Variants in TRIO observed in about 807,000 individuals in gnomAD.
TRIO encodes the protein triple functional domain protein.
Under a neutral mutation model 351.9 loss-of-function variants are expected in TRIO, and 58 were observed. The ratio of observed to expected loss-of-function variants is 0.16; its 90% CI spans 0.13 to 0.21. TRIO has a LOEUF of 0.21. TRIO is among the 10% of genes least tolerant of loss of function. The probability of loss-of-function intolerance (pLI) is 1.00; values close to 1 mark genes in which losing one functional copy is unlikely to be tolerated. For missense variants in TRIO, 3,201 were observed against 4,027.8 expected, an observed-to-expected ratio of 0.79 and a Z score of 5.56; for synonymous variants, 1,758 against 1,595.7, an observed-to-expected ratio of 1.10 and a Z score of -2.42.
At chr5:14,411,420 G>T (rs184091566) in intron 33 of TRIO, among the ~76,000 whole-genome samples, 2 of 152,202 alleles carry the variant, frequency 1.3e-5, no homozygotes. Flanking sequence ...GGTATCCTGT[G>T]GAAAAGCCGG....
chr5:14,261,874 T>A (rs1795367315), intron 1 of TRIO, among the ~76,000 whole-genome samples: 1 of 152,360 alleles, frequency 6.6e-6, no homozygotes, highest in African/African-American at 2.4e-5. Flanking sequence ...ATTGATTATA[T>A]GTAAATGTGA....
chr5:14,498,290 G>A (rs868271303), intron 52 of TRIO, 39 bp downstream of exon 52: 1 of 1,602,620 alleles, frequency 6.2e-7, no homozygotes. Flanking sequence ...CGCTGGCTGG[G>A]AGCACCATCT....
At chr5:14,158,222 C>T (rs1414250534) in intron 1 of TRIO, among the ~76,000 whole-genome samples, 2 of 152,008 alleles carry the variant, frequency 1.3e-5, no homozygotes, top group African/African-American at 2.4e-5. Flanking sequence ...GTCAAGAGAT[C>T]GAGACCATCC....
At chr5:14,160,965 C>G (rs1788413242) in intron 1 of TRIO, among the ~76,000 whole-genome samples, 1 of 152,164 alleles carries the variant, frequency 6.6e-6, no homozygotes, top group Non-Finnish European at 1.5e-5. Context: ...GGCTGGAGTG[C>G]AGCGGTGTGA....
chr5:14,422,140 GCC>G (rs1476663079), intron 34 of TRIO, among the ~76,000 whole-genome samples: 2 of 152,186 alleles, frequency 1.3e-5, no homozygotes, highest in African/African-American at 4.8e-5. Context: ...GTTAAACATG[GCC>G]CCTCTTTGCA....
intron 33 of TRIO, among the ~76,000 whole-genome samples, chr5:14,415,999 A>G (rs560975567): frequency 2.0e-5 from 3 of 152,110 alleles, no homozygotes; most frequent in African/African-American, 7.2e-5. Flanking sequence ...AATTCAATGC[A>G]TGAGGTGGGA....
At chr5:14,469,958 G>T (rs145371316) in intron 37 of TRIO, among the ~76,000 whole-genome samples, 3 of 152,194 alleles carry the variant, frequency 2.0e-5, no homozygotes, top group African/African-American at 4.8e-5. Flanking sequence ...CTGTCCAGGT[G>T]GGGGATGGGG....
At chr5:14,310,338 G>T (rs947870564) in intron 8 of TRIO, among the ~76,000 whole-genome samples, 2 of 152,240 alleles carry the variant, frequency 1.3e-5, no homozygotes, top group Non-Finnish European at 2.9e-5. Flanking sequence ...CCACCAAAGG[G>T]CCACTGCTGC....
At chr5:14,220,893 T>G (rs960941608) in intron 1 of TRIO, among the ~76,000 whole-genome samples, 2 of 152,186 alleles carry the variant, frequency 1.3e-5, no homozygotes, top group African/African-American at 4.8e-5. Context: ...CAGAAGACCT[T>G]CCTAAGATCA....
chr5:14,487,611 G>C lies in TRIO; in HGVS notation c.6983G>C (p.Gly2328Ala). The C allele has an allele frequency of 2.5e-6, 3 of 1,181,658 alleles. No homozygotes were observed. Among genetic ancestry groups the C allele is most frequent in the Non-Finnish European group, 3.2e-6 (3 of 946,686 alleles). The allele number at this position is 1,181,658 out of a possible 1,614,324, so 73.2% of individuals were successfully genotyped here. A position where few individuals can be genotyped will look rare whatever the true frequency, so the allele number is the denominator to read the frequency against. The change falls in exon 48 of 57, where the codon GGC becomes GCC. Residue 2328 changes from glycine (G) to alanine (A), a missense_variant. By Grantham distance (60) the Gly-to-Ala change is moderately conservative (BLOSUM62 0). Around this residue, in one of 19 missense-constraint regions of TRIO, gnomAD observed 1,089 missense variants for 954.9 expected, o/e 1.14. Coordinates refer to ENST00000344204, the MANE Select transcript of TRIO (RefSeq NM_007118.4). ...CACAGTGGCGGCCCCAGCAGCTGCG[G>C]CGGCGCCCCCAGCACGAGCAGGAGC... ...SGHSGGPSSCGGAPSTSRSRP... is the reference protein window; with the variant it reads ...SGHSGGPSSCAGAPSTSRSRP...
intron 4 of TRIO, 53 bp downstream of exon 4, chr5:14,287,116 A>C: frequency 6.4e-7 from 1 of 1,567,620 alleles, no homozygotes; most frequent in Non-Finnish European, 8.7e-7. Context: ...TGGTTTACTA[A>C]AAGCTATTGA....
chr5:14,312,880 A>G (rs562378108), intron 8 of TRIO, among the ~76,000 whole-genome samples: 5 of 152,334 alleles, frequency 3.3e-5, no homozygotes, highest in African/African-American at 1.2e-4. Context: ...ACAGAACAGC[A>G]GTCCTCATAA....
intron 34 of TRIO, among the ~76,000 whole-genome samples, chr5:14,457,403 A>G (rs1255598779): frequency 6.2e-5 from 2 of 32,480 alleles, no homozygotes; most frequent in Non-Finnish European, 1.3e-4. Context: ...GCCCCCCGGT[A>G]CTAGGAGTGA....
chr5:14,356,765 G>A (rs575231259), intron 11 of TRIO, among the ~76,000 whole-genome samples: 23 of 152,316 alleles, frequency 1.5e-4, no homozygotes, highest in African/African-American at 5.3e-4. Flanking sequence ...TTTCACACAT[G>A]CAGGGACTGC....
chr5:14,310,215 C>T (rs1206071161), intron 8 of TRIO, among the ~76,000 whole-genome samples: 1 of 152,244 alleles, frequency 6.6e-6, no homozygotes, highest in African/African-American at 2.4e-5. Context: ...AGTTTTTCAA[C>T]AAACTGAATT....
At chr5:14,325,155 A>G (rs961060258) in intron 9 of TRIO, among the ~76,000 whole-genome samples, 1 of 152,236 alleles carries the variant, frequency 6.6e-6, no homozygotes, top group Non-Finnish European at 1.5e-5. Context: ...AAGGGAAAAT[A>G]TCATTTACAT....
chr5:14,286,970 C>T lies in TRIO; in HGVS notation c.447C>T (p.Phe149=), dbSNP rs762062190. Residue 149 remains phenylalanine (F), a synonymous_variant, in exon 4 of 57, where the codon TTC becomes TTT. Coordinates refer to ENST00000344204, the MANE Select transcript of TRIO (RefSeq NM_007118.4). The surrounding 1 kb of genome is among the most constrained non-coding windows in gnomAD (Gnocchi z 4.4). ...TTCTGAAGATCCTGCAGGAGTCCTT[C>T]CCCTGCTGCATCCATGTGGCCCTGA... ...KPLLKILQES[F]PCCIHVALII... is the part of the protein sequence containing the mutation. The T allele has an allele frequency of 6.2e-7, 1 of 1,614,206 alleles. No individual in the cohort carries two copies. Among genetic ancestry groups the T allele is most frequent in the Non-Finnish European group, 8.5e-7 (1 of 1,180,024 alleles).
rs1345141344 is a variant in TRIO at position 14,461,409 on chromosome 5, C to T, written c.5496+98C>T. ...ATCTTATGAGTAAACTGGTTTGGTT[C>T]TGTTTTCCGCACTTACTCAGAAATT... On this transcript the variant is annotated intron_variant, in intron 35 of 56. Coordinates refer to ENST00000344204, the MANE Select transcript of TRIO (RefSeq NM_007118.4). 7.2e-6 allele frequency: 10 copies of T among 1,383,522 alleles called. No homozygotes were observed. In the East Asian group the frequency reaches 1.8e-4, roughly 25 times the overall value. 85.7% of individuals were successfully genotyped at this position (1,383,522 alleles called of 1,614,324 possible). A position where few individuals can be genotyped will look rare whatever the true frequency, so the allele number is the denominator to read the frequency against.
At chr5:14,390,487 T>C in intron 26 of TRIO, 187 bp downstream of exon 26, 1 of 610,710 alleles carries the variant, frequency 1.6e-6, no homozygotes. Context: ...GTTTTTTTAT[T>C]GGCCCTGGTG....
Sources: allele counts gnomAD v4.1 joint callset (sites outside exome capture counted in the v4.1 genomes callset), GRCh38; gene constraint gnomAD v4.1.1; regional missense constraint gnomAD v4.1.1; non-coding constraint Gnocchi (gnomAD v3.1); transcripts MANE v1.5; gene names NCBI Gene and HGNC (gene_info 2026-07-23, HGNC 2026-07-21).